The following STAT3 variants were observed in gnomAD, a reference collection of about 807,000 sequenced individuals.
STAT3 encodes DNA-binding protein APRF.
A neutral mutation model predicts 114.3 loss-of-function variants in STAT3; 7 were observed. The observed-to-expected ratio is 0.06, with a 90% CI of 0.03 to 0.11. The LOEUF (loss-of-function observed/expected upper bound fraction) is 0.11. Ranked by LOEUF, STAT3 falls within the 10% of genes least tolerant of loss-of-function variation. The probability of loss-of-function intolerance (pLI) is 1.00; values close to 1 mark genes in which losing one functional copy is unlikely to be tolerated. For missense variants in STAT3, 364 were observed against 960.9 expected (o/e 0.38, Z 8.21); for synonymous variants, 331 against 354.5 (o/e 0.93, Z 0.74).
At chr17:42,386,328 C>G (rs981306177) in intron 1 of STAT3, among the ~76,000 whole-genome samples, 1 of 149,552 alleles carries the variant, frequency 6.7e-6, no homozygotes, top group African/African-American at 2.5e-5. Context: ...ACAAAATATA[C>G]AGAAGGAGGC....
chr17:42,352,961 T>C (rs2083043255), intron 1 of STAT3, among the ~76,000 whole-genome samples: 1 of 152,208 alleles, frequency 6.6e-6, no homozygotes, highest in African/African-American at 2.4e-5. Flanking sequence ...CATGTTGAAA[T>C]GATAATATTT....
chr17:42,315,815 A>G lies in STAT3; in HGVS notation c.2258-15T>C. On this transcript the variant is annotated splice_polypyrimidine_tract_variant and intron_variant, in intron 23 of 23. Transcript: ENST00000264657. ...GGTGAGGGACTCTGGAGGGACAGAC[A>G]GGGAAAACTAGTTCAGTTGTCCACC... 8 of 1,614,052 alleles carry G rather than the reference A, an allele frequency of 5.0e-6. No homozygotes were observed. Among genetic ancestry groups the G allele is most frequent in the Non-Finnish European group, 6.8e-6 (8 of 1,180,008 alleles).
chr17:42,364,544 AAGAG>A (rs1194942841), intron 1 of STAT3, among the ~76,000 whole-genome samples: 1 of 152,198 alleles, frequency 6.6e-6, no homozygotes, highest in African/African-American at 2.4e-5. Flanking sequence ...ATATTCATCT[AAGAG>A]AGGCAACTGA....
Position 42,335,760 on chromosome 17 carries a change from A to G in STAT3, c.797+1675T>C, listed in dbSNP as rs1382473579. ...GGGCCTGTAATCCCAGCTACTTGGA[A>G]GGTTGTGACTAAGAATCGCTTGAAC... On this transcript the variant is annotated intron_variant, in intron 8 of 23. Coordinates refer to ENST00000264657, the MANE Select transcript of STAT3 (RefSeq NM_139276.3). 3.3e-5 allele frequency among the ~76,000 whole-genome samples: 5 copies of G among 152,272 alleles called. No individual in the cohort carries two copies. In the East Asian group the frequency reaches 9.6e-4, roughly 29 times the overall value.
rs573611488 is a variant in STAT3, at chr17:42,346,308, C to T, written c.273+261G>A. 3.4e-4 allele frequency among the ~76,000 whole-genome samples: 52 copies of T among 152,296 alleles called. No homozygotes were observed. In the South Asian group the frequency reaches 5.6e-3, roughly 16 times the overall value. On this transcript the variant is annotated intron_variant, in intron 3 of 23. Coordinates refer to ENST00000264657, the MANE Select transcript of STAT3 (RefSeq NM_139276.3). ...GAGTCATCTTCCTATCAGTGGACCG[C>T]GTTAACATGCTAACATGTATGATTA...
intron 1 of STAT3, among the ~76,000 whole-genome samples, chr17:42,361,767 T>C (rs774902211): frequency 7.9e-5 from 12 of 152,058 alleles, no homozygotes; most frequent in Admixed American, 3.3e-4. Context: ...AAGGCTCTCC[T>C]GTCAAGATAT....
chr17:42,380,210 T>C (rs1303628292), intron 1 of STAT3, among the ~76,000 whole-genome samples: 1 of 151,722 alleles, frequency 6.6e-6, no homozygotes, highest in Admixed American at 6.6e-5. Context: ...CTAAATTTTA[T>C]ATTTTTAGTA....
intron 1 of STAT3, among the ~76,000 whole-genome samples, chr17:42,379,743 G>T (rs7219739): frequency 0.35 from 53,702 of 152,034 alleles, 9,715 homozygotes; most frequent in South Asian, 0.46. Flanking sequence ...TTAAAATAAG[G>T]GAGAGGTAAT....
intron 14 of STAT3, among the ~76,000 whole-genome samples, chr17:42,327,112 G>A (rs958936576): frequency 6.6e-6 from 1 of 152,076 alleles, no homozygotes; most frequent in Non-Finnish European, 1.5e-5. Flanking sequence ...AAGGCACAAA[G>A]AATAACAAAA....
At chr17:42,340,001 A>C (rs1051767032) in intron 4 of STAT3, among the ~76,000 whole-genome samples, 3 of 152,140 alleles carry the variant, frequency 2.0e-5, no homozygotes, top group African/African-American at 7.2e-5. Context: ...CCCATCTCGA[A>C]TGAATAAATG....
At chr17:42,342,690 T>C (rs138223809) in intron 4 of STAT3, among the ~76,000 whole-genome samples, 166 of 152,158 alleles carry the variant, frequency 1.1e-3, no homozygotes, top group African/African-American at 3.9e-3. Flanking sequence ...AGAGTAAAAA[T>C]TGTTTACTTA....
chr17:42,324,652 A>G lies in STAT3; in HGVS notation c.1600+59T>C. Reference sequence around the variant, plus strand: ...AGACATGGCCCAAATGAACAGCCCTATGGGCCGGATCCCTTTTCTGGGCGG... The same window carrying G: ...AGACATGGCCCAAATGAACAGCCCTGTGGGCCGGATCCCTTTTCTGGGCGG... On this transcript the variant is annotated intron_variant, in intron 17 of 23. Coordinates refer to ENST00000264657, the MANE Select transcript of STAT3 (RefSeq NM_139276.3). The surrounding 1 kb of genome is among the most constrained non-coding windows in gnomAD (Gnocchi z 4.5). The G allele has an allele frequency of 5.5e-6, 8 of 1,450,646 alleles. No homozygotes were observed. The highest frequency in any genetic ancestry group is 7.3e-6 in the Non-Finnish European group (8 of 1,095,908). 89.9% of individuals were successfully genotyped at this position (1,450,646 alleles called of 1,614,324 possible). A position where few individuals can be genotyped will look rare whatever the true frequency, so the allele number is the denominator to read the frequency against.
intron 1 of STAT3, among the ~76,000 whole-genome samples, chr17:42,380,458 C>T (rs1015670609): frequency 3.4e-4 from 51 of 152,050 alleles, no homozygotes; most frequent in African/African-American, 1.2e-3. Flanking sequence ...GATCTCGGTT[C>T]ACCGCAACCT....
chr17:42,365,390 G>A (rs891032388), intron 1 of STAT3, among the ~76,000 whole-genome samples: 2 of 152,282 alleles, frequency 1.3e-5, no homozygotes, highest in African/African-American at 4.8e-5. Flanking sequence ...TTTTCTCAGT[G>A]AGACCTCAGA....
chr17:42,373,632 G>A (rs2084284968), intron 1 of STAT3, among the ~76,000 whole-genome samples: 1 of 152,040 alleles, frequency 6.6e-6, no homozygotes, highest in African/African-American at 2.4e-5. Flanking sequence ...GCTCACGCTT[G>A]TAATCCCAGC....
At chr17:42,327,125 A>G (rs527423132) in intron 14 of STAT3, among the ~76,000 whole-genome samples, 1 of 152,334 alleles carries the variant, frequency 6.6e-6, no homozygotes, top group African/African-American at 2.4e-5. Context: ...TAACAAAACA[A>G]TATGAACCCA....
intron 1 of STAT3, among the ~76,000 whole-genome samples, chr17:42,370,778 T>A (rs529826474): frequency 6.6e-6 from 1 of 151,542 alleles, no homozygotes; most frequent in African/African-American, 2.4e-5. Flanking sequence ...AATTTTTTTT[T>A]TTTTTTTTAG....
chr17:42,351,933 T>C (rs2082983193), intron 1 of STAT3, among the ~76,000 whole-genome samples: 1 of 151,966 alleles, frequency 6.6e-6, no homozygotes, highest in South Asian at 2.1e-4. Context: ...TAATTTTTTT[T>C]TTTGTATTTT....
intron 1 of STAT3, among the ~76,000 whole-genome samples, chr17:42,353,490 G>A (rs115244676): frequency 0.012 from 1,761 of 152,102 alleles, 42 homozygotes; most frequent in African/African-American, 0.04. Context: ...TAGCCAAAAA[G>A]CGGTGGTTCT....
Sources: gnomAD v4.1 joint callset for allele counts (sites outside exome capture counted in the v4.1 genomes callset) on GRCh38, gnomAD v4.1.1 for gene constraint, Gnocchi (gnomAD v3.1) non-coding constraint, MANE v1.5 for transcripts, NCBI Gene and HGNC (gene_info 2026-07-23, HGNC 2026-07-21) for gene names.